Variants in COG5 observed in about 807,000 individuals in gnomAD.
COG5 encodes component of oligomeric golgi complex 5, also known as conserved oligomeric Golgi complex subunit 5.
A neutral mutation model predicts 110.4 loss-of-function variants in COG5; 86 were observed. The observed-to-expected ratio is 0.78, with a 90% CI of 0.65 to 0.93. The LOEUF is 0.93. Ranked by LOEUF, COG5 falls within the 40% of genes least tolerant of loss-of-function variation. COG5 has a pLI of 0.00. For synonymous variants in COG5, 360 were observed against 334.6 expected, an observed-to-expected ratio of 1.08 and a Z score of -0.83; for missense variants, 1,077 against 987.0, an observed-to-expected ratio of 1.09 and a Z score of -1.22.
chr7:107,438,592 G>A (rs953775116), intron 6 of COG5, among the ~76,000 whole-genome samples: 2 of 152,158 alleles, frequency 1.3e-5, no homozygotes, highest in Non-Finnish European at 2.9e-5. Flanking sequence ...TACAAACTTA[G>A]GAGGACTGAG....
chr7:107,372,981 TC>T (rs1428080225), intron 7 of COG5, among the ~76,000 whole-genome samples: 1 of 152,160 alleles, frequency 6.6e-6, no homozygotes, highest in African/African-American at 2.4e-5. Flanking sequence ...TATATTATTT[TC>T]CCCCTTACCA....
At chr7:107,442,736 T>C (rs1371085860) in intron 6 of COG5, among the ~76,000 whole-genome samples, 4 of 151,724 alleles carry the variant, frequency 2.6e-5, no homozygotes, top group African/African-American at 9.7e-5. Flanking sequence ...TTTGGGTAGA[T>C]GGCAGACCCA....
At chr7:107,372,480 G>T in intron 8 of COG5, 115 bp downstream of exon 8, 2 of 966,432 alleles carry the variant, frequency 2.1e-6, no homozygotes, top group Non-Finnish European at 3.2e-6. Flanking sequence ...CTCATTTTCT[G>T]TCTACTAAAA....
chr7:107,552,967 G>A (rs1803030841), intron 3 of COG5, among the ~76,000 whole-genome samples: 1 of 152,116 alleles, frequency 6.6e-6, no homozygotes, highest in Admixed American at 6.6e-5. Flanking sequence ...TAGCAATATG[G>A]ATAGAACTGA....
At chr7:107,535,896 G>A (rs2129164442) in intron 5 of COG5, among the ~76,000 whole-genome samples, 1 of 152,226 alleles carries the variant, frequency 6.6e-6, no homozygotes, top group South Asian at 2.1e-4. Context: ...ACATCAATGT[G>A]AAAATCCTCA....
rs1402501183 is a variant in COG5, at chr7:107,558,449, C to T, written c.95-334G>A. On this transcript the variant is annotated intron_variant, in intron 1 of 21. Coordinates refer to ENST00000297135, the MANE Select transcript of COG5 (RefSeq NM_006348.5). ...CTCAAACCCCATCTCTACAAAAATACAAAAATTAGCTGGGCATCATGGCGG... is the reference window on the plus strand; with the variant it reads ...CTCAAACCCCATCTCTACAAAAATATAAAAATTAGCTGGGCATCATGGCGG... 2.6e-5 allele frequency among the ~76,000 whole-genome samples: 4 copies of T among 151,358 alleles called. No individual in the cohort carries two copies. The East Asian group carries it at 7.8e-4, about 30-fold the overall frequency.
intron 11 of COG5, among the ~76,000 whole-genome samples, chr7:107,302,566 TATCTC>T (rs1483984126): frequency 1.3e-5 from 2 of 152,310 alleles, no homozygotes; most frequent in Admixed American, 1.3e-4. Context: ...TAAGAGAAAT[TATCTC>T]AGAGAAAACT....
At chr7:107,307,545 T>A (rs1238303491) in intron 11 of COG5, among the ~76,000 whole-genome samples, 1 of 152,234 alleles carries the variant, frequency 6.6e-6, no homozygotes, top group Non-Finnish European at 1.5e-5. Context: ...CCAGTTATTT[T>A]GGAGCCAATA....
intron 5 of COG5, among the ~76,000 whole-genome samples, chr7:107,544,440 G>C (rs1261598423): frequency 6.6e-6 from 1 of 152,216 alleles, no homozygotes; most frequent in Non-Finnish European, 1.5e-5. Context: ...GCTTGGCACT[G>C]TGAACCCTGG....
At chr7:107,531,651 T>G (rs950321583) in intron 5 of COG5, among the ~76,000 whole-genome samples, 3 of 136,558 alleles carry the variant, frequency 2.2e-5, no homozygotes, top group South Asian at 2.5e-4. Flanking sequence ...GGGGGGGAGG[T>G]GGGTGTTCTG....
At chr7:107,209,688 T>C (rs576236802) in intron 21 of COG5, 47 of 409,756 alleles carry the variant, frequency 1.1e-4, no homozygotes, top group African/African-American at 9.5e-4. Context: ...TGTGGTGTAA[T>C]GCAAGCTCTG....
chr7:107,488,848 A>T (rs1797812697), intron 6 of COG5, among the ~76,000 whole-genome samples: 1 of 152,090 alleles, frequency 6.6e-6, no homozygotes, highest in Non-Finnish European at 1.5e-5. Context: ...CCCTGCCTCA[A>T]AATATTAATA....
chr7:107,271,772 T>C (rs923199931), intron 14 of COG5, among the ~76,000 whole-genome samples: 1 of 152,086 alleles, frequency 6.6e-6, no homozygotes, highest in African/African-American at 2.4e-5. Context: ...CTTCTTACTA[T>C]TTATTATGGG....
rs1426113819 is a variant in COG5, at chr7:107,236,459, A to T, written c.2082T>A (p.Asp694Glu). ...TAATTCATCAATGTACCTGTGCAAA[A>T]TCAGCAGCAAGTCGCATTTTCCCAC... ...GEGGKMRLAA[D>E]FAQMELAVGP... is the part of the protein sequence containing the mutation. The change falls in exon 18 of 22, where the codon GAT (aspartate) becomes GAA (glutamate). Residue 694 changes from aspartate to glutamate, a missense_variant. By Grantham distance (45) the Asp-to-Glu change is conservative. Transcript: ENST00000297135. 1.2e-6 allele frequency: 2 copies of T among 1,613,472 alleles called. No individual in the cohort carries two copies. The highest frequency in any genetic ancestry group is 1.7e-6 in the Non-Finnish European group (2 of 1,179,484).
intron 6 of COG5, among the ~76,000 whole-genome samples, chr7:107,507,516 C>A (rs1799116718): frequency 6.7e-6 from 1 of 149,150 alleles, no homozygotes; most frequent in Non-Finnish European, 1.5e-5. Context: ...ACCATATTAG[C>A]CACGATGGTC....
At chr7:107,533,081 G>T (rs1001850465) in intron 5 of COG5, among the ~76,000 whole-genome samples, 2 of 148,136 alleles carry the variant, frequency 1.4e-5, no homozygotes, top group African/African-American at 5.3e-5. Context: ...TGCAGCAGAG[G>T]GGCCTGACTG....
chr7:107,353,577 G>A (rs1812367817), intron 10 of COG5, among the ~76,000 whole-genome samples: 1 of 152,016 alleles, frequency 6.6e-6, no homozygotes, highest in Non-Finnish European at 1.5e-5. Flanking sequence ...GCTAGCCAGA[G>A]CATTTATTAA....
chr7:107,475,401 G>A, intron 6 of COG5: 1 of 944,872 alleles, frequency 1.1e-6, no homozygotes, highest in Non-Finnish European at 1.6e-6. Context: ...ATTCAAATGA[G>A]TTTTAAATTT....
chr7:107,230,596 A>G lies in COG5; in HGVS notation c.2168+19T>C. On this transcript the variant is annotated intron_variant, in intron 19 of 21. Coordinates refer to ENST00000297135, the MANE Select transcript of COG5 (RefSeq NM_006348.5). ...TTGCCTGGAGGATATGAATGTATGA[A>G]CAAAGAATTCGGTCTTACCTGAATG... is the stretch of plus-strand genomic sequence containing the variant. The G allele has an allele frequency of 6.3e-7, 1 of 1,575,886 alleles. No individual in the cohort carries two copies. The highest frequency in any genetic ancestry group is 1.7e-4 in the Middle Eastern group (1 of 6,002).
Sources: allele counts gnomAD v4.1 joint callset (sites outside exome capture counted in the v4.1 genomes callset), GRCh38; gene constraint gnomAD v4.1.1; transcripts MANE v1.5; gene names NCBI Gene and HGNC (gene_info 2026-07-23, HGNC 2026-07-21).